The following TTYH1 variants were observed in gnomAD, a reference collection of about 807,000 sequenced individuals.
TTYH1 encodes the protein protein tweety homolog 1.
In TTYH1, 33 loss-of-function variants were observed where a neutral mutation model predicts 61.2. The ratio of observed to expected loss-of-function variants is 0.54; its 90% CI spans 0.41 to 0.72. The LOEUF (loss-of-function observed/expected upper bound fraction) is 0.72, where lower values mean the gene tolerates loss of function less well. Among genes scored for constraint, TTYH1 ranks in the 30% least tolerant of loss-of-function variants. The probability of loss-of-function intolerance (pLI) is 0.00; values close to 1 mark genes in which losing one functional copy is unlikely to be tolerated. For synonymous variants in TTYH1, 308 were observed against 266.4 expected, an observed-to-expected ratio of 1.16 and a Z score of -1.52; for missense variants, 538 against 575.8, an observed-to-expected ratio of 0.93 and a Z score of 0.67.
chr19:54,431,535 T>C, intron 10 of TTYH1: 1 of 332,134 alleles, frequency 3.0e-6, no homozygotes, highest in Admixed American at 5.0e-5. Flanking sequence ...CCCTCCCTCC[T>C]AGAGGCTGCC....
Position 54,436,149 on chromosome 19 carries a change from C to T in TTYH1, c.*20C>T. 6.2e-7 allele frequency: 1 copy of T among 1,614,102 alleles called. No homozygotes were observed. The highest frequency in any genetic ancestry group is 8.5e-7 in the Non-Finnish European group (1 of 1,179,972). On this transcript the variant is annotated 3_prime_UTR_variant, in exon 13 of 14. Transcript: ENST00000376530. This position sits in a 1 kb window ranked among gnomAD's most constrained non-coding sequence, Gnocchi z 4.3. Reference sequence around the variant, plus strand: ...ATCTGAGCCCCTCCTCCCGGCTGGACTGGAGCCTGGCTCCCCTCTTCGGTG... The same window carrying T: ...ATCTGAGCCCCTCCTCCCGGCTGGATTGGAGCCTGGCTCCCCTCTTCGGTG...
At chr19:54,435,995 C>T in intron 12 of TTYH1, 96 bp from the exon 13 acceptor site, 2 of 1,576,662 alleles carry the variant, frequency 1.3e-6, no homozygotes, top group Non-Finnish European at 8.7e-7. Flanking sequence ...GGCCCGGACT[C>T]CTGGGTCTGA....
chr19:54,436,018 T>C lies in TTYH1; in HGVS notation c.1315-73T>C. 6.3e-7 allele frequency: 1 copy of C among 1,582,370 alleles called. No homozygotes were observed. Among genetic ancestry groups the C allele is most frequent in the Non-Finnish European group, 8.7e-7 (1 of 1,152,820 alleles). ...CTCCTGGGTCTGAGGGAGGAGGGGC[T>C]GGGGTCCCACAGTACAAAGCCAATT... On this transcript the variant is annotated intron_variant, in intron 12 of 13. Transcript: ENST00000376530. The surrounding 1 kb of genome is among the most constrained non-coding windows in gnomAD (Gnocchi z 4.3).
chr19:54,431,262 CCTT>C (rs1481887945), intron 10 of TTYH1, 71 bp downstream of exon 10: 3 of 1,066,962 alleles, frequency 2.8e-6, no homozygotes, highest in Non-Finnish European at 4.4e-6. Flanking sequence ...ACTACCTCCT[CCTT>C]CTCCTTGGAC....
chr19:54,428,079 GT>G (rs936820982), intron 5 of TTYH1, among the ~76,000 whole-genome samples: 2,464 of 62,398 alleles, frequency 0.039, 12 homozygotes, highest in African/African-American at 0.11. Context: ...TCCCGGCTAA[GT>G]TTTTTTTTTT....
At chr19:54,430,448 G>A in intron 7 of TTYH1, 102 bp from the exon 8 acceptor site, 11 of 1,294,820 alleles carry the variant, frequency 8.5e-6, no homozygotes, top group African/African-American at 1.5e-5. Context: ...GGGCTGGGCT[G>A]AGGCCCCTAA....
intron 1 of TTYH1, among the ~76,000 whole-genome samples, chr19:54,417,913 G>A (rs561181197): frequency 7.9e-5 from 12 of 151,994 alleles, no homozygotes; most frequent in Middle Eastern, 3.4e-3. Flanking sequence ...GTGCACCCAG[G>A]AGACACACTC....
chr19:54,433,884 C>T (rs192180153), intron 10 of TTYH1, among the ~76,000 whole-genome samples: 3 of 152,012 alleles, frequency 2.0e-5, no homozygotes, highest in Admixed American at 6.6e-5. Context: ...TTGCAAGAGG[C>T]GGCAGCGTGA....
rs756461407 is a variant in TTYH1 at position 54,430,580 on chromosome 19, G to C, written c.914G>C (p.Arg305Pro). Reference protein sequence around the residue: ...DILSYYLLCNRAVSNPFQQRL... With the variant: ...DILSYYLLCNPAVSNPFQQRL... The stretch of plus-strand genomic sequence containing the variant: ...CTGAGCTATTATCTCCTCTGCAACC[G>C]GGCCGTCTCCAACCCCTTCCAACAG... Residue 305 changes from arginine (R) to proline (P), a missense_variant, in exon 8 of 14, where the codon CGG becomes CCG. Arg to Pro is a moderately radical substitution (Grantham distance 103). Coordinates refer to ENST00000376530, the MANE Select transcript of TTYH1 (RefSeq NM_020659.4). 3 of 1,613,984 alleles carry C rather than the reference G, an allele frequency of 1.9e-6. No individual in the cohort carries two copies. Among genetic ancestry groups the C allele is most frequent in the East Asian group, 2.2e-5 (1 of 44,860 alleles).
chr19:54,431,325 T>C lies in TTYH1; in HGVS notation c.1125+134T>C, dbSNP rs2083440458. On this transcript the variant is annotated intron_variant, in intron 10 of 13. Transcript: ENST00000376530. ...CTCTGTATCCTCTGTTTATATGATT[T>C]ATCTGTCCTATATCTATTCTCTACC... is the stretch of plus-strand genomic sequence containing the variant. 4.6e-6 allele frequency: 3 copies of C among 656,944 alleles called. No individual in the cohort carries two copies. The East Asian group carries it at 8.1e-5, about 18-fold the overall frequency. The allele number at this position is 656,944 out of a possible 1,614,324, so 40.7% of individuals were successfully genotyped here.
chr19:54,436,549 A>C lies in TTYH1; in HGVS notation c.*259A>C. 1.5e-6 allele frequency: 1 copy of C among 667,290 alleles called. No individual in the cohort carries two copies. Among genetic ancestry groups the C allele is most frequent in the Non-Finnish European group, 2.6e-6 (1 of 383,826 alleles). 41.3% of individuals were successfully genotyped at this position (667,290 alleles called of 1,614,324 possible). ...CAGACAGCCTCGCCTCGCACCCTTCATCCCTGGCTGCCGGTCCCATCCTTG... is the reference window on the plus strand; with the variant it reads ...CAGACAGCCTCGCCTCGCACCCTTCCTCCCTGGCTGCCGGTCCCATCCTTG... On this transcript the variant is annotated 3_prime_UTR_variant, in exon 14 of 14. Coordinates refer to ENST00000376530, the MANE Select transcript of TTYH1 (RefSeq NM_020659.4). This position sits in a 1 kb window ranked among gnomAD's most constrained non-coding sequence, Gnocchi z 4.3.
At chr19:54,424,910 C>T (rs1019596323) in intron 4 of TTYH1, among the ~76,000 whole-genome samples, 2 of 152,078 alleles carry the variant, frequency 1.3e-5, no homozygotes, top group South Asian at 2.1e-4. Flanking sequence ...TCCTTGCTCC[C>T]GGAGCTCCCA....
intron 5 of TTYH1, among the ~76,000 whole-genome samples, chr19:54,427,625 A>AAT (rs2083354261): frequency 6.6e-6 from 1 of 151,980 alleles, no homozygotes; most frequent in Non-Finnish European, 1.5e-5. Context: ...CAACAAAAAA[A>AAT]AAAAACAGAT....
chr19:54,430,535 C>T lies in TTYH1; in HGVS notation c.884-15C>T. On this transcript the variant is annotated splice_polypyrimidine_tract_variant and intron_variant, in intron 7 of 13. Transcript: ENST00000376530. ...CAGGCTCATGGCCTCCTCCCCTCTC[C>T]TCCTCCCACTTCAGACATCCTGAGC... 1 of 1,614,040 alleles carries T rather than the reference C, an allele frequency of 6.2e-7. No homozygotes were observed. The highest frequency in any genetic ancestry group is 8.5e-7 in the Non-Finnish European group (1 of 1,179,902).
Position 54,419,435 on chromosome 19 carries a change from C to T in TTYH1, c.305+129C>T. The T allele has an allele frequency of 9.8e-7, 1 of 1,020,330 alleles. No individual in the cohort carries two copies. Among genetic ancestry groups the T allele is most frequent in the East Asian group, 2.6e-5 (1 of 38,656 alleles). 63.2% of individuals were successfully genotyped at this position (1,020,330 alleles called of 1,614,324 possible). ...AAGGAGGAAACTCCCTCGTCCCTGT[C>T]CCTGCCATTTGCAAGCCCACTTCAG... On this transcript the variant is annotated intron_variant, in intron 2 of 13. Coordinates refer to ENST00000376530, the MANE Select transcript of TTYH1 (RefSeq NM_020659.4). This position sits in a 1 kb window ranked among gnomAD's most constrained non-coding sequence, Gnocchi z 6.1.
chr19:54,423,793 C>T (rs2083267429), intron 4 of TTYH1, among the ~76,000 whole-genome samples: 1 of 152,146 alleles, frequency 6.6e-6, no homozygotes, highest in South Asian at 2.1e-4. Flanking sequence ...GTGGCTGCGT[C>T]CTCCGGGGGG....
Position 54,416,684 on chromosome 19 carries a change from G to C in TTYH1, c.126+1006G>C, listed in dbSNP as rs2083084162. 8.4e-7 allele frequency: 1 copy of C among 1,197,094 alleles called. No homozygotes were observed. Among genetic ancestry groups the C allele is most frequent in the South Asian group, 1.3e-5 (1 of 76,140 alleles). 74.2% of individuals were successfully genotyped at this position (1,197,094 alleles called of 1,614,324 possible). On this transcript the variant is annotated intron_variant, in intron 1 of 13. Transcript: ENST00000376530. The surrounding 1 kb of genome is among the most constrained non-coding windows in gnomAD (Gnocchi z 7.0). ...GCGGAGGGGATGAGTGCTGTGTTCTGAGCTATTTGGGTCACGGCTGGCACA... is the reference window on the plus strand; with the variant it reads ...GCGGAGGGGATGAGTGCTGTGTTCTCAGCTATTTGGGTCACGGCTGGCACA...
rs777317312 is a variant in TTYH1, at chr19:54,430,801, C to T, written c.940-12C>T. ...CTCCTGGGTCCTCCTCCCTCCCTTT[C>T]TCTTTCTGCAGAGGCTGACTCTGTC... On this transcript the variant is annotated splice_polypyrimidine_tract_variant and intron_variant, in intron 8 of 13. Coordinates refer to ENST00000376530, the MANE Select transcript of TTYH1 (RefSeq NM_020659.4). 3 of 1,613,438 alleles carry T rather than the reference C, an allele frequency of 1.9e-6. No homozygotes were observed. Among genetic ancestry groups the T allele is most frequent in the Non-Finnish European group, 2.5e-6 (3 of 1,179,680 alleles).
At position 54,435,814 on chromosome 19, in the gene TTYH1, G is replaced by T; in HGVS notation, c.1269-14G>T. 1.9e-6 allele frequency: 3 copies of T among 1,613,774 alleles called. No individual in the cohort carries two copies. The highest frequency in any genetic ancestry group is 1.1e-5 in the South Asian group (1 of 90,936). The stretch of plus-strand genomic sequence containing the variant: ...CCATCCCGCCTCTCTGCCATGCCCC[G>T]CATCAAACCCCAGTGACGACTACGA... On this transcript the variant is annotated splice_polypyrimidine_tract_variant and intron_variant, in intron 11 of 13. Transcript: ENST00000376530.
Sources: gnomAD v4.1 joint callset for allele counts (sites outside exome capture counted in the v4.1 genomes callset) on GRCh38, gnomAD v4.1.1 for gene constraint, Gnocchi (gnomAD v3.1) non-coding constraint, MANE v1.5 for transcripts, NCBI Gene and HGNC (gene_info 2026-07-23, HGNC 2026-07-21) for gene names.